Variants in LRPPRC observed in about 807,000 individuals in gnomAD.
The protein encoded by LRPPRC is leucine rich pentatricopeptide repeat containing.
In LRPPRC, 120 loss-of-function variants were observed where a neutral mutation model predicts 180.3. The observed-to-expected ratio is 0.67, with a 90% CI of 0.57 to 0.77. The LOEUF is 0.77. Ranked by LOEUF, LRPPRC falls within the 30% of genes least tolerant of loss-of-function variation. LRPPRC has a pLI of 0.00. For synonymous variants in LRPPRC, 723 were observed against 600.0 expected (o/e 1.21, Z -3.00); for missense variants, 2,012 against 1,657.2 (o/e 1.21, Z -3.72).
In LRPPRC at chr2:43,976,336, T is replaced by C. The variant is rs181632088; in HGVS notation, c.651-107A>G. The C allele has an allele frequency of 8.7e-4, 599 of 690,988 alleles. 1 individual carries two copies. Among genetic ancestry groups the C allele is most frequent in the Middle Eastern group, 2.1e-3 (6 of 2,878 alleles). 42.8% of individuals were successfully genotyped at this position (690,988 alleles called of 1,614,324 possible). A position where few individuals can be genotyped will look rare whatever the true frequency, so the allele number is the denominator to read the frequency against. ...TACTTTTGTTTTTAAAATATAATAG[T>C]AATATACATTTGTTTTAGAAACCAC... On this transcript the variant is annotated intron_variant, in intron 5 of 37. Coordinates refer to ENST00000260665, the MANE Select transcript of LRPPRC (RefSeq NM_133259.4).
At chr2:43,907,594 A>G (rs1267884570) in intron 30 of LRPPRC, among the ~76,000 whole-genome samples, 1 of 152,148 alleles carries the variant, frequency 6.6e-6, no homozygotes, top group African/African-American at 2.4e-5. Context: ...AGAAACAGAA[A>G]TCTTAATTAT....
Position 43,896,682 on chromosome 2 carries a change from G to T in LRPPRC, c.3852C>A (p.Thr1284=). Reference sequence around the variant, plus strand: ...TAAGGAGGAACAACAACAAAATCGGGGTTTGTTCAGCAATTGCACCACATC... The same window carrying T: ...TAAGGAGGAACAACAACAAAATCGGTGTTTGTTCAGCAATTGCACCACATC... The part of the protein sequence containing the change: ...LQRCGAIAEQ[T]PILLLFLLRN... The change falls in exon 35 of 38, where the codon ACC becomes ACA. Residue 1284 remains threonine, a synonymous_variant. Coordinates refer to ENST00000260665, the MANE Select transcript of LRPPRC (RefSeq NM_133259.4). 1 of 1,611,800 alleles carries T rather than the reference G, an allele frequency of 6.2e-7. No homozygotes were observed. Among genetic ancestry groups the T allele is most frequent in the East Asian group, 2.2e-5 (1 of 44,828 alleles).
intron 23 of LRPPRC, among the ~76,000 whole-genome samples, chr2:43,940,301 C>A (rs1346943062): frequency 1.3e-5 from 2 of 152,102 alleles, no homozygotes; most frequent in Admixed American, 6.6e-5. Flanking sequence ...GTATCCAGTA[C>A]AAATGAAGAT....
In LRPPRC at chr2:43,947,759, A is replaced by G; in HGVS notation, c.1937T>C (p.Val646Ala). The G allele has an allele frequency of 6.3e-7, 1 of 1,589,900 alleles. No homozygotes were observed. The highest frequency in any genetic ancestry group is 8.6e-7 in the Non-Finnish European group (1 of 1,158,196). ...TTGAAAGTCTAAATTCTTACTCTCA[A>G]CCAACAAGTGAGCATCCTAAAATTG... ...PELIKDAHLL[V>A]ESKNLDFQKT... Residue 646 changes from valine (V) to alanine (A), a missense_variant, in exon 19 of 38, where the codon GTT (valine) becomes GCT (alanine). Val to Ala is a moderately conservative substitution (Grantham distance 64). Coordinates refer to ENST00000260665, the MANE Select transcript of LRPPRC (RefSeq NM_133259.4).
At chr2:43,939,063 G>C (rs1200303918) in intron 23 of LRPPRC, among the ~76,000 whole-genome samples, 1 of 150,684 alleles carries the variant, frequency 6.6e-6, no homozygotes, top group Non-Finnish European at 1.5e-5. Context: ...ACGCGGTCAG[G>C]AGATCGAGAC....
chr2:43,944,856 TAATTA>T (rs1672619908), intron 22 of LRPPRC, among the ~76,000 whole-genome samples: 1 of 152,068 alleles, frequency 6.6e-6, no homozygotes, highest in African/African-American at 2.4e-5. Flanking sequence ...ATAAAAACCT[TAATTA>T]AAATAAAAAC....
At chr2:43,971,657 T>G (rs1479100099) in intron 11 of LRPPRC, among the ~76,000 whole-genome samples, 1 of 151,960 alleles carries the variant, frequency 6.6e-6, no homozygotes, top group Admixed American at 6.6e-5. Flanking sequence ...CAGCACATCC[T>G]CCATCACTGC....
At chr2:43,919,777 C>A (rs192079886) in intron 27 of LRPPRC, among the ~76,000 whole-genome samples, 5 of 151,966 alleles carry the variant, frequency 3.3e-5, no homozygotes, top group Non-Finnish European at 7.4e-5. Context: ...ATTAAATGCA[C>A]AGAAAAACTG....
intron 1 of LRPPRC, among the ~76,000 whole-genome samples, chr2:43,995,060 G>A (rs1221261314): frequency 3.3e-5 from 5 of 152,078 alleles, no homozygotes; most frequent in Non-Finnish European, 7.4e-5. Context: ...GGCCAACATG[G>A]TGAAACCCAG....
At chr2:43,909,828 AG>A (rs1671195035) in intron 30 of LRPPRC, among the ~76,000 whole-genome samples, 2 of 152,074 alleles carry the variant, frequency 1.3e-5, no homozygotes, top group Non-Finnish European at 2.9e-5. Flanking sequence ...GAAGAAGGGA[AG>A]AAGATAAACC....
upstream of LRPPRC, chr2:43,996,051 C>A: frequency 8.3e-7 from 1 of 1,205,852 alleles, no homozygotes; most frequent in Non-Finnish European, 1.2e-6. Flanking sequence ...GCCGGGCGTG[C>A]CAAATGTGGG....
chr2:43,987,212 G>A (rs1042372228), intron 1 of LRPPRC, among the ~76,000 whole-genome samples: 1 of 152,098 alleles, frequency 6.6e-6, no homozygotes, highest in South Asian at 2.1e-4. Flanking sequence ...GTTTGGTAAT[G>A]AGCCGGACGC....
rs761146308 is a variant in LRPPRC, at chr2:43,918,322, C to T, written c.2973G>A (p.Lys991=). The T allele has an allele frequency of 1.2e-6, 2 of 1,609,672 alleles. No homozygotes were observed. The highest frequency in any genetic ancestry group is 1.1e-5 in the South Asian group (1 of 90,986). The change falls in exon 28 of 38, where the codon AAG becomes AAA. Residue 991 remains lysine, a synonymous_variant. Transcript: ENST00000260665. ...IQEENVIPRE[K]TLRLLAEILR... ...GGATTTCTGCTAATAATCTTAATGT[C>T]TTTTCACGAGGAATAACATTTTCTT...
chr2:43,896,198 A>ATTTC (rs751623964), intron 35 of LRPPRC: 1,383 of 130,528 alleles, frequency 0.011, 35 homozygotes, highest in Middle Eastern at 0.041. Context: ...TTAATCTTCC[A>ATTTC]TTTCTTTCTT....
At chr2:43,939,273 C>A (rs1672388495) in intron 23 of LRPPRC, among the ~76,000 whole-genome samples, 1 of 150,500 alleles carries the variant, frequency 6.6e-6, no homozygotes, top group South Asian at 2.1e-4. Flanking sequence ...AGCAAGACTC[C>A]GTCTCAAAAA....
intron 29 of LRPPRC, among the ~76,000 whole-genome samples, chr2:43,916,680 G>A (rs960468950): frequency 2.6e-5 from 4 of 152,030 alleles, no homozygotes; most frequent in African/African-American, 9.7e-5. Context: ...CAGGTTGGGG[G>A]TGGTGGCTCA....
chr2:43,893,103 G>T (rs1465170853), intron 36 of LRPPRC, among the ~76,000 whole-genome samples: 1 of 152,198 alleles, frequency 6.6e-6, no homozygotes, highest in East Asian at 1.9e-4. Flanking sequence ...GTGAAGACGT[G>T]ACTGAATTGC....
intron 25 of LRPPRC, among the ~76,000 whole-genome samples, chr2:43,930,777 T>C (rs1419312546): frequency 6.6e-6 from 1 of 152,212 alleles, no homozygotes; most frequent in South Asian, 2.1e-4. Context: ...ACCTCCTTTA[T>C]GGTTCCTGGT....
At position 43,888,196 on chromosome 2, in the gene LRPPRC, T is replaced by C. The variant is rs1452286007; in HGVS notation, c.*404A>G. ...TACGGAATGGCTGTATCACAGAATA[T>C]TATGCGTTAGAAAGTTCACGGTCAC... On this transcript the variant is annotated 3_prime_UTR_variant, in exon 38 of 38. Transcript: ENST00000260665. The C allele has an allele frequency of 4.2e-6, 1 of 238,240 alleles. No homozygotes were observed. The highest frequency in any genetic ancestry group is 5.7e-5 in the South Asian group (1 of 17,530). 14.8% of individuals were successfully genotyped at this position (238,240 alleles called of 1,614,324 possible). A position where few individuals can be genotyped will look rare whatever the true frequency, so the allele number is the denominator to read the frequency against.
Sources: allele counts gnomAD v4.1 joint callset (sites outside exome capture counted in the v4.1 genomes callset), GRCh38; gene constraint gnomAD v4.1.1; transcripts MANE v1.5; gene names NCBI Gene and HGNC (gene_info 2026-07-23, HGNC 2026-07-21).